AFM: variants seen among roughly 807,000 people sequenced by gnomAD.
AFM encodes afamin.
Under a neutral mutation model 68.7 loss-of-function variants are expected in AFM, and 82 were observed. The observed-to-expected ratio is 1.19, with a 90% CI of 1.00 to 1.43. The LOEUF (loss-of-function observed/expected upper bound fraction) is 1.43. Among genes scored for constraint, AFM ranks in the 40% most tolerant of loss-of-function variants. AFM has a pLI of 0.00. For missense variants in AFM, 772 were observed against 701.8 expected (o/e 1.10, Z -1.13); for synonymous variants, 250 against 234.2 (o/e 1.07, Z -0.61).
At chr4:73,484,711 A>G (rs1273568437) in intron 3 of AFM, among the ~76,000 whole-genome samples, 1 of 151,228 alleles carries the variant, frequency 6.6e-6, no homozygotes, top group South Asian at 2.1e-4. Context: ...ATTTTTTTGT[A>G]TTTTTAGTAG....
chr4:73,484,413 T>A, intron 3 of AFM, 23 bp downstream of exon 3: 1 of 1,493,426 alleles, frequency 6.7e-7, no homozygotes, highest in South Asian at 1.4e-5. Flanking sequence ...CTTGTGTTTC[T>A]TTTCCTTTTA....
intron 7 of AFM, among the ~76,000 whole-genome samples, chr4:73,490,798 G>A (rs1410965943): frequency 6.6e-6 from 1 of 152,150 alleles, no homozygotes; most frequent in African/African-American, 2.4e-5. Flanking sequence ...ACTGAAAATA[G>A]AAGTAACTTC....
intron 8 of AFM, among the ~76,000 whole-genome samples, chr4:73,494,816 C>T (rs1721205129): frequency 6.6e-6 from 1 of 152,114 alleles, no homozygotes; most frequent in Non-Finnish European, 1.5e-5. Context: ...GAGCTGAAGG[C>T]GTAAACACTC....
At chr4:73,495,263 C>CTCTAATT (rs1721219206) in intron 8 of AFM, 37 bp from the exon 9 acceptor site, 25 of 1,539,294 alleles carry the variant, frequency 1.6e-5, no homozygotes, top group Non-Finnish European at 2.2e-5. Flanking sequence ...TTTGCTCTTT[C>CTCTAATT]TCTAATTTCT....
intron 9 of AFM, among the ~76,000 whole-genome samples, chr4:73,496,419 A>G (rs1043397096): frequency 1.3e-5 from 2 of 152,032 alleles, no homozygotes; most frequent in East Asian, 1.9e-4. Context: ...ATCTTTATTA[A>G]TATTTATGGC....
intron 7 of AFM, 147 bp from the exon 8 acceptor site, chr4:73,491,725 T>C: frequency 1.4e-6 from 1 of 740,184 alleles, no homozygotes. Flanking sequence ...AAATCCAAAA[T>C]TTAATTCAAA....
In AFM at chr4:73,501,769, G is replaced by A; in HGVS notation, c.1647-18G>A. ...AAGAAAGCGTTAATTAATTTTATTT[G>A]ACATCTTTTGGCCACAGGTTTCTTG... On this transcript the variant is annotated intron_variant, in intron 12 of 14. Coordinates refer to ENST00000226355, the MANE Select transcript of AFM (RefSeq NM_001133.2). 1 of 1,605,008 alleles carries A rather than the reference G, an allele frequency of 6.2e-7. No individual in the cohort carries two copies. The highest frequency in any genetic ancestry group is 1.1e-5 in the South Asian group (1 of 90,272).
In AFM at chr4:73,499,208, T is replaced by A. The variant is rs1721346504; in HGVS notation, c.1384T>A (p.Cys462Ser). 1 of 1,612,532 alleles carries A rather than the reference T, an allele frequency of 6.2e-7. No individual in the cohort carries two copies. Among genetic ancestry groups the A allele is most frequent in the African/African-American group, 1.3e-5 (1 of 74,752 alleles). ...AATGGTGACAGCTTTCACTACTTGC[T>A]GTACGCTAAGTGAAGAGTTTGCCTG... Reference protein sequence around the residue: ...EKMVTAFTTCCTLSEEFACVD... With the variant: ...EKMVTAFTTCSTLSEEFACVD... The change falls in exon 11 of 15, where the codon TGT becomes AGT. Residue 462 changes from cysteine (C) to serine (S), a missense_variant. By Grantham distance (112) the Cys-to-Ser change is moderately radical (BLOSUM62 -1). Coordinates refer to ENST00000226355, the MANE Select transcript of AFM (RefSeq NM_001133.2).
chr4:73,501,714 A>G (rs1721428088), intron 12 of AFM, 73 bp from the exon 13 acceptor site: 4 of 1,496,016 alleles, frequency 2.7e-6, no homozygotes, highest in South Asian at 1.3e-5. Context: ...TGATTCTGTA[A>G]CAAGCATTTT....
At chr4:73,498,990 C>A in intron 10 of AFM, 124 bp from the exon 11 acceptor site, 1 of 895,188 alleles carries the variant, frequency 1.1e-6, no homozygotes, top group Non-Finnish European at 1.6e-6. Flanking sequence ...TATGAGAGAG[C>A]TAAGGTTCAT....
intron 9 of AFM, among the ~76,000 whole-genome samples, chr4:73,496,685 A>G (rs1721267612): frequency 6.6e-6 from 1 of 152,152 alleles, no homozygotes; most frequent in East Asian, 1.9e-4. Flanking sequence ...TTAAATTGTT[A>G]AATTTTTTCC....
chr4:73,482,240 C>T (rs1253938872), intron 1 of AFM, among the ~76,000 whole-genome samples: 1 of 152,228 alleles, frequency 6.6e-6, no homozygotes, highest in African/African-American at 2.4e-5. Flanking sequence ...GGTTGTCCAA[C>T]ATATTTCCCA....
chr4:73,500,022 G>T lies in AFM; in HGVS notation c.1441G>T (p.Glu481Ter). The T allele has an allele frequency of 6.2e-7, 1 of 1,613,908 alleles. No individual in the cohort carries two copies. The highest frequency in any genetic ancestry group is 8.5e-7 in the Non-Finnish European group (1 of 1,179,884). The change falls in exon 12 of 15, where the codon GAG becomes TAG. Residue 481 changes from glutamate to a stop codon, truncating the protein, a stop_gained. Coordinates refer to ENST00000226355, the MANE Select transcript of AFM (RefSeq NM_001133.2). LOFTEE classifies it high-confidence loss of function. ...VDNLADLVFG[E>*]LCGVNENRTI... ...GGTACAGGCAGATTTAGTTTTTGGA[G>T]AGTTATGTGGAGTAAATGAAAATCG...
intron 7 of AFM, 70 bp downstream of exon 7, chr4:73,488,829 C>T: frequency 1.3e-6 from 2 of 1,486,340 alleles, no homozygotes; most frequent in South Asian, 1.3e-5. Flanking sequence ...TCTCAAGTTG[C>T]CCTGATATGT....
intron 8 of AFM, 32 bp downstream of exon 8, chr4:73,492,118 A>C: frequency 6.4e-7 from 1 of 1,555,712 alleles, no homozygotes; most frequent in East Asian, 2.3e-5. Context: ...TTTATAAGGG[A>C]AACAGAAAGA....
chr4:73,485,771 G>A, intron 3 of AFM, 91 bp from the exon 4 acceptor site: 1 of 998,440 alleles, frequency 1.0e-6, no homozygotes, highest in South Asian at 1.5e-5. Context: ...GTTGGTAATG[G>A]TGGGAAAATT....
chr4:73,487,103 G>A lies in AFM; in HGVS notation c.615+4G>A. ...AGTCAACTGCCTTCAAACAAGGGTG[G>A]GTATAGCATTTGTTCCATGAAGAGG... is the stretch of plus-strand genomic sequence containing the variant. On this transcript the variant is annotated splice_donor_region_variant and intron_variant, in intron 5 of 14. Transcript: ENST00000226355. The A allele has an allele frequency of 1.2e-6, 2 of 1,613,508 alleles. No homozygotes were observed. The highest frequency in any genetic ancestry group is 1.1e-5 in the South Asian group (1 of 91,010).
chr4:73,488,536 T>C, intron 6 of AFM, 94 bp from the exon 7 acceptor site: 1 of 1,134,236 alleles, frequency 8.8e-7, no homozygotes, highest in South Asian at 1.6e-5. Context: ...GTGGCAATAC[T>C]TTTTGTAGCT....
intron 10 of AFM, among the ~76,000 whole-genome samples, chr4:73,498,497 G>A (rs1156323805): frequency 6.6e-6 from 1 of 152,108 alleles, no homozygotes; most frequent in African/African-American, 2.4e-5. Flanking sequence ...ATGTTGCACA[G>A]GCTGGTCTTG....
Sources: allele counts gnomAD v4.1 joint callset (sites outside exome capture counted in the v4.1 genomes callset), GRCh38; gene constraint gnomAD v4.1.1; transcripts MANE v1.5; gene names NCBI Gene and HGNC (gene_info 2026-07-23, HGNC 2026-07-21).